CLSTN2: variants seen among roughly 807,000 people sequenced by gnomAD.
CLSTN2 encodes the protein calsyntenin-2.
Under a neutral mutation model 101.2 loss-of-function variants are expected in CLSTN2, and 48 were observed. The observed-to-expected ratio is 0.47, with a 90% CI of 0.38 to 0.60. The LOEUF is 0.60. CLSTN2 is among the 20% of genes least tolerant of loss of function. CLSTN2 has a pLI of 0.00. For synonymous variants in CLSTN2, 481 were observed against 463.6 expected (o/e 1.04, Z -0.48); for missense variants, 1,160 against 1,238.2 (o/e 0.94, Z 0.95).
intron 1 of CLSTN2, among the ~76,000 whole-genome samples, chr3:140,036,604 T>A (rs891672157): frequency 6.6e-6 from 1 of 152,170 alleles, no homozygotes; most frequent in African/African-American, 2.4e-5. Context: ...CACTTTAAGA[T>A]TCTGCTTTCC....
chr3:140,350,275 A>G (rs6797448), intron 2 of CLSTN2, among the ~76,000 whole-genome samples: 86,486 of 152,108 alleles, frequency 0.57, 25,231 homozygotes, highest in Non-Finnish European at 0.64. Context: ...AATCTCAGAA[A>G]ATAATAATAG....
Position 140,556,661 on chromosome 3 carries a change from A to G in CLSTN2, c.1823A>G (p.Gln608Arg), listed in dbSNP as rs1935800879. ...CGCCTCAAAGTATCCTCCAAAGTCC[A>G]GTGAGTGGACGCTGGTCAGCCTGGG... ...VRRLKVSSKV[Q>R]CFGEDVCISI... Residue 608 changes from glutamine to arginine, a missense_variant and splice_region_variant, in exon 11 of 17, where the codon CAG (glutamine) becomes CGG (arginine). By Grantham distance (43) the Gln-to-Arg change is conservative. Coordinates refer to ENST00000458420, the MANE Select transcript of CLSTN2 (RefSeq NM_022131.3). 1 of 1,613,662 alleles carries G rather than the reference A, an allele frequency of 6.2e-7. No individual in the cohort carries two copies. Among genetic ancestry groups the G allele is most frequent in the African/African-American group, 1.3e-5 (1 of 74,878 alleles).
intron 16 of CLSTN2, 112 bp from the exon 17 acceptor site, chr3:140,565,941 A>T (rs775964564): frequency 5.2e-5 from 69 of 1,331,638 alleles, no homozygotes; most frequent in Non-Finnish European, 6.9e-5. Flanking sequence ...GCACTAAAAG[A>T]AGAAATTCCA....
chr3:140,067,206 T>A (rs907081962), intron 1 of CLSTN2, among the ~76,000 whole-genome samples: 1 of 152,202 alleles, frequency 6.6e-6, no homozygotes, highest in African/African-American at 2.4e-5. Flanking sequence ...CTGAAGATCA[T>A]GAGTGTAGAG....
chr3:140,486,728 A>G (rs945809989), intron 8 of CLSTN2, among the ~76,000 whole-genome samples: 3 of 152,144 alleles, frequency 2.0e-5, no homozygotes, highest in African/African-American at 4.8e-5. Flanking sequence ...AGGAAAGGAG[A>G]AATTGGACCA....
At chr3:140,140,026 A>G (rs2009673335) in intron 1 of CLSTN2, among the ~76,000 whole-genome samples, 1 of 152,216 alleles carries the variant, frequency 6.6e-6, no homozygotes. Flanking sequence ...AACATCATTC[A>G]GAGGCCTTGT....
intron 1 of CLSTN2, among the ~76,000 whole-genome samples, chr3:140,095,298 C>A (rs190654770): frequency 6.6e-6 from 1 of 152,140 alleles, no homozygotes; most frequent in South Asian, 2.1e-4. Flanking sequence ...GAGCTACTGT[C>A]GTGGGGAGGA....
At chr3:139,954,463 T>C (rs1935352697) in intron 1 of CLSTN2, among the ~76,000 whole-genome samples, 1 of 152,184 alleles carries the variant, frequency 6.6e-6, no homozygotes, top group East Asian at 1.9e-4. Flanking sequence ...ATTTTTCCTC[T>C]GGGCTCAGGA....
intron 9 of CLSTN2, among the ~76,000 whole-genome samples, chr3:140,545,529 G>A (rs752857975): frequency 1.3e-5 from 2 of 152,204 alleles, no homozygotes; most frequent in Non-Finnish European, 1.5e-5. Context: ...TTTTCTATGC[G>A]TTGTTCTTCT....
At chr3:139,955,534 G>A (rs1428027562) in intron 1 of CLSTN2, among the ~76,000 whole-genome samples, 3 of 152,210 alleles carry the variant, frequency 2.0e-5, no homozygotes, top group Non-Finnish European at 4.4e-5. Flanking sequence ...CCTGCTCTAC[G>A]ATTTCTGTTG....
At chr3:140,454,491 C>T (rs998815023) in intron 6 of CLSTN2, 5 of 152,166 alleles carry the variant, frequency 3.3e-5, no homozygotes, top group African/African-American at 1.2e-4. Context: ...AAAAAGTCCT[C>T]TGTGCCTATG....
intron 1 of CLSTN2, among the ~76,000 whole-genome samples, chr3:140,013,193 T>A (rs1292452519): frequency 6.6e-6 from 1 of 152,256 alleles, no homozygotes; most frequent in African/African-American, 2.4e-5. Context: ...ACAGTTATCA[T>A]GTACTTTCTG....
At chr3:140,516,132 T>C (rs1934912714) in intron 8 of CLSTN2, among the ~76,000 whole-genome samples, 1 of 152,226 alleles carries the variant, frequency 6.6e-6, no homozygotes, top group Admixed American at 6.5e-5. Context: ...AAGTTTGTTT[T>C]TTCTGATATA....
At chr3:140,252,331 G>A (rs1047296741) in intron 2 of CLSTN2, among the ~76,000 whole-genome samples, 4 of 152,112 alleles carry the variant, frequency 2.6e-5, no homozygotes, top group Non-Finnish European at 5.9e-5. Flanking sequence ...GCCCTCCCTC[G>A]CTGAGGGTCC....
chr3:140,171,767 TATA>T (rs2010231947), intron 1 of CLSTN2, among the ~76,000 whole-genome samples: 3 of 102,150 alleles, frequency 2.9e-5, no homozygotes, highest in East Asian at 4.4e-4. Context: ...ATATATAATA[TATA>T]ATATGTATTA....
chr3:140,372,717 T>C (rs1244408649), intron 2 of CLSTN2, among the ~76,000 whole-genome samples: 3 of 152,188 alleles, frequency 2.0e-5, no homozygotes, highest in Non-Finnish European at 4.4e-5. Context: ...TCCCATGTAA[T>C]GCTCTATAAA....
At chr3:140,188,244 G>A (rs577633526) in intron 2 of CLSTN2, among the ~76,000 whole-genome samples, 7 of 152,272 alleles carry the variant, frequency 4.6e-5, no homozygotes, top group South Asian at 2.1e-4. Flanking sequence ...GCTCAGTCCC[G>A]AATTCGGCAG....
intron 2 of CLSTN2, among the ~76,000 whole-genome samples, chr3:140,295,598 G>GT (rs531229418): frequency 1.1e-4 from 17 of 152,028 alleles, no homozygotes; most frequent in East Asian, 7.7e-4. Flanking sequence ...ACTGCCCCAA[G>GT]TTTTTTTTAT....
intron 7 of CLSTN2, among the ~76,000 whole-genome samples, chr3:140,464,853 C>T (rs917007364): frequency 6.6e-5 from 10 of 152,174 alleles, no homozygotes; most frequent in African/African-American, 1.9e-4. Context: ...CAGATGTTGG[C>T]CGAGGCCAGC....
Sources: allele counts gnomAD v4.1 joint callset (sites outside exome capture counted in the v4.1 genomes callset), GRCh38; gene constraint gnomAD v4.1.1; transcripts MANE v1.5; gene names NCBI Gene and HGNC (gene_info 2026-07-23, HGNC 2026-07-21).